Variants in GLRA2 observed in about 807,000 individuals in gnomAD.
GLRA2 encodes glycine receptor alpha 2.
In GLRA2, 11 loss-of-function variants were observed where a neutral mutation model predicts 31.6. The observed-to-expected ratio is 0.35, with a 90% CI of 0.22 to 0.58. The LOEUF is 0.58. Among genes scored for constraint, GLRA2 ranks in the 20% least tolerant of loss-of-function variants. The pLI is 0.84. For synonymous variants in GLRA2, 132 were observed against 134.0 expected, an observed-to-expected ratio of 0.99 and a Z score of 0.10; for missense variants, 212 against 351.8, an observed-to-expected ratio of 0.60 and a Z score of 3.18.
At chrX:14,521,269 G>C in the GLRA2 span, among the ~76,000 whole-genome samples, 1 of 112,418 alleles carries the variant, frequency 8.9e-6, no homozygotes, top group Admixed American at 9.4e-5. Flanking sequence ...TCAGTGGAGT[G>C]AGTGGGAAAA....
At chrX:14,575,864 T>A (rs1211429278) in intron 3 of GLRA2, among the ~76,000 whole-genome samples, 2 of 111,488 alleles carry the variant, frequency 1.8e-5, no homozygotes, top group Non-Finnish European at 1.9e-5. Context: ...AGCATGGAGG[T>A]TGCATTTTGG....
intron 7 of GLRA2, among the ~76,000 whole-genome samples, chrX:14,647,374 T>C (rs183605429): frequency 8.9e-5 from 10 of 112,168 alleles, no homozygotes. Flanking sequence ...AGAGCAGCCT[T>C]CAAAGACAGG....
At chrX:14,464,933 T>C in the GLRA2 span, among the ~76,000 whole-genome samples, 5 of 112,226 alleles carry the variant, frequency 4.5e-5, no homozygotes, top group African/African-American at 1.6e-4. Flanking sequence ...TATGGTAGCA[T>C]ATGCCCCCAG....
intron 8 of GLRA2, among the ~76,000 whole-genome samples, chrX:14,691,296 T>A (rs1255386635): frequency 1.9e-5 from 2 of 103,933 alleles, no homozygotes; most frequent in African/African-American, 7.4e-5. Flanking sequence ...TGTGTGTGTG[T>A]GTGTGTGTGT....
chrX:14,634,423 T>C (rs944571431), intron 7 of GLRA2, among the ~76,000 whole-genome samples: 5 of 111,920 alleles, frequency 4.5e-5, no homozygotes, highest in African/African-American at 1.6e-4. Flanking sequence ...AAATGTAAGG[T>C]CTTTGGATAA....
chrX:14,472,950 T>TG, the GLRA2 span, among the ~76,000 whole-genome samples: 2 of 111,167 alleles, frequency 1.8e-5, no homozygotes, highest in East Asian at 5.6e-4. Flanking sequence ...TGAAGTGAAC[T>TG]GGGGGATCCT....
intron 8 of GLRA2, among the ~76,000 whole-genome samples, chrX:14,727,565 CTGAG>C (rs749867978): frequency 2.7e-5 from 3 of 112,176 alleles, no homozygotes; most frequent in East Asian, 5.6e-4. Context: ...TTGCTAAGCA[CTGAG>C]TAAGTCTTCA....
At chrX:14,644,473 AATAG>A (rs2090808228) in intron 7 of GLRA2, among the ~76,000 whole-genome samples, 1 of 111,875 alleles carries the variant, frequency 8.9e-6, no homozygotes, top group Non-Finnish European at 1.9e-5. Flanking sequence ...TAAATATTAT[AATAG>A]ATATATTCTT....
the GLRA2 span, among the ~76,000 whole-genome samples, chrX:14,480,952 T>C: frequency 9.0e-6 from 1 of 111,238 alleles, no homozygotes; most frequent in East Asian, 2.8e-4. Context: ...CTTCAATCTG[T>C]AGATTGCTTT....
rs1329311245 is a variant in GLRA2, at chrX:14,591,209, T to C, written c.494+9803T>C. The stretch of plus-strand genomic sequence containing the variant: ...GAGGGACAGAACTACAAGTTACATA[T>C]TACATATATTTATGAAAGGGAGTTT... On this transcript the variant is annotated intron_variant, in intron 4 of 8. Transcript: ENST00000218075. Among the ~76,000 whole-genome samples the C allele has an allele frequency of 2.7e-5, 3 of 111,691 alleles. No individual in the cohort carries two copies. The East Asian group carries it at 8.4e-4, about 31-fold the overall frequency.
At chrX:14,685,968 T>C (rs942411240) in intron 7 of GLRA2, among the ~76,000 whole-genome samples, 48 of 112,190 alleles carry the variant, frequency 4.3e-4, no homozygotes, top group African/African-American at 1.5e-3. Context: ...AATTTCCCTC[T>C]ACACACTGCT....
chrX:14,574,528 A>G (rs2089926907), intron 3 of GLRA2, 128 bp downstream of exon 3: 1 of 1,204,651 alleles, frequency 8.3e-7, no homozygotes, highest in East Asian at 3.0e-5. Flanking sequence ...ATATTTATCA[A>G]CAGCTTTGGG....
chrX:14,561,300 T>A (rs898141652), intron 2 of GLRA2, among the ~76,000 whole-genome samples: 5 of 112,456 alleles, frequency 4.4e-5, no homozygotes, highest in African/African-American at 6.5e-5. Context: ...CCATGGTCAG[T>A]CCTCATTTCA....
At chrX:14,471,042 G>T in the GLRA2 span, among the ~76,000 whole-genome samples, 10 of 111,560 alleles carry the variant, frequency 9.0e-5, no homozygotes, top group African/African-American at 2.9e-4. Flanking sequence ...GGTAGTAATA[G>T]TTCAGATGGT....
At chrX:14,526,121 A>G (rs1199173718), upstream of GLRA2, among the ~76,000 whole-genome samples, 2 of 112,371 alleles carry the variant, frequency 1.8e-5, no homozygotes, top group African/African-American at 6.5e-5. Context: ...AAGGCCTTCC[A>G]GAGATTTGAA....
rs1429979402 is a variant in GLRA2 at position 14,731,702 on chromosome X, C to G, written c.*1217C>G. The G allele has an allele frequency of 1.8e-5, 2 of 111,516 alleles. No individual in the cohort carries two copies. The highest frequency in any genetic ancestry group is 3.8e-5 in the Non-Finnish European group (2 of 53,070). The allele number at this position is 111,516 out of a possible 1,213,427, so 9.2% of individuals were successfully genotyped here. On this transcript the variant is annotated 3_prime_UTR_variant, in exon 9 of 9. Coordinates refer to ENST00000218075, the MANE Select transcript of GLRA2 (RefSeq NM_002063.4). ...AAAAAAAGACGTATTTTTGCTTACTCAGATAAAAGACAACCTGTAAAAATA... is the reference window on the plus strand; with the variant it reads ...AAAAAAAGACGTATTTTTGCTTACTGAGATAAAAGACAACCTGTAAAAATA...
At chrX:14,600,697 A>G (rs1050560305) in intron 4 of GLRA2, among the ~76,000 whole-genome samples, 2 of 110,615 alleles carry the variant, frequency 1.8e-5, no homozygotes, top group Non-Finnish European at 3.8e-5. Flanking sequence ...GAACACTTGA[A>G]ATTTACTCTC....
chrX:14,611,533 G>A (rs1474000249), intron 7 of GLRA2, among the ~76,000 whole-genome samples: 2 of 112,608 alleles, frequency 1.8e-5, no homozygotes, highest in African/African-American at 3.2e-5. Context: ...TTTTGCTTTT[G>A]TAAGTATGAT....
chrX:14,521,154 A>C, the GLRA2 span, among the ~76,000 whole-genome samples: 1 of 112,582 alleles, frequency 8.9e-6, no homozygotes, highest in South Asian at 3.7e-4. Flanking sequence ...GCTTAATTTA[A>C]GGTGTCACCT....
Sources: gnomAD v4.1 joint callset for allele counts (sites outside exome capture counted in the v4.1 genomes callset) on GRCh38, gnomAD v4.1.1 for gene constraint, MANE v1.5 for transcripts, NCBI Gene and HGNC (gene_info 2026-07-23, HGNC 2026-07-21) for gene names.